The following RNPS1 variants were observed in gnomAD, a reference collection of about 807,000 sequenced individuals.
RNPS1 encodes the protein RNA binding protein with serine rich domain 1, also known as RNA-binding protein with serine-rich domain 1.
For synonymous variants in RNPS1, 147 were observed against 150.0 expected, an observed-to-expected ratio of 0.98 and a Z score of 0.15; for missense variants, 300 against 427.6, an observed-to-expected ratio of 0.70 and a Z score of 2.63.
chr16:2,267,676 A>G (rs2093630516), intron 1 of RNPS1: 1 of 1,151,700 alleles, frequency 8.7e-7, no homozygotes, highest in South Asian at 2.8e-5. Flanking sequence ...TCCCCCGTCC[A>G]GGCGCCGGGC....
intron 1 of RNPS1, chr16:2,267,838 C>T: frequency 1.3e-6 from 2 of 1,506,330 alleles, no homozygotes; most frequent in Non-Finnish European, 1.8e-6. Context: ...AGGCGCCCTT[C>T]CGTCCGCAGC....
At chr16:2,267,794 G>A in intron 1 of RNPS1, 8 of 1,422,292 alleles carry the variant, frequency 5.6e-6, no homozygotes, top group South Asian at 1.5e-5. Flanking sequence ...AGTCCCGCGG[G>A]CCTGGCTGGG....
At position 2,264,232 on chromosome 16, in the gene RNPS1, G is replaced by T. The variant is rs368400536; in HGVS notation, c.171C>A (p.Arg57=). Residue 57 remains arginine (R), a synonymous_variant, in exon 3 of 8, where the codon CGC becomes CGA. Transcript: ENST00000320225. ...GCCTCTTTCGGGTTTTGTCCCGGCC[G>T]CGATCCTTCTCACTCGACTCCTTGG... ...GATKESSEKD[R]GRDKTRKRRS... 1.2e-6 allele frequency: 2 copies of T among 1,614,100 alleles called. No individual in the cohort carries two copies. Among genetic ancestry groups the T allele is most frequent in the Non-Finnish European group, 1.7e-6 (2 of 1,180,032 alleles).
At chr16:2,262,011 G>A (rs155249) in intron 6 of RNPS1, among the ~76,000 whole-genome samples, 9,382 of 152,206 alleles carry the variant, frequency 0.062, 964 homozygotes, top group African/African-American at 0.21. Flanking sequence ...AGTTGGTCTG[G>A]CAATAATTTC....
At chr16:2,264,042 T>A in intron 3 of RNPS1, 134 bp downstream of exon 3, 1 of 1,109,210 alleles carries the variant, frequency 9.0e-7, no homozygotes, top group Non-Finnish European at 1.3e-6. Context: ...CAGTCTGCCA[T>A]AAATTAGGGT....
chr16:2,256,750 G>C (rs554961372), intron 6 of RNPS1: 8 of 152,418 alleles, frequency 5.2e-5, no homozygotes, highest in African/African-American at 1.4e-4. Context: ...CAGTATCCGC[G>C]TTTGCGCTTC....
intron 1 of RNPS1, chr16:2,265,478 A>AAGTT (rs1323224135): frequency 6.9e-6 from 1 of 144,542 alleles, no homozygotes; most frequent in African/African-American, 2.5e-5. Context: ...ATAGACTATT[A>AAGTT]ACCTCTGATT....
chr16:2,262,699 T>C, intron 5 of RNPS1, 41 bp downstream of exon 5: 3 of 1,548,356 alleles, frequency 1.9e-6, no homozygotes, highest in Non-Finnish European at 1.8e-6. Flanking sequence ...GGCCTGCTTG[T>C]CCACACCCCA....
chr16:2,255,065 G>T (rs1461799009), intron 7 of RNPS1, among the ~76,000 whole-genome samples: 1 of 152,150 alleles, frequency 6.6e-6, no homozygotes, highest in Non-Finnish European at 1.5e-5. Flanking sequence ...ACTAGAAGTT[G>T]GGACAGGTCC....
At chr16:2,261,129 CAA>C (rs531553229) in intron 6 of RNPS1, among the ~76,000 whole-genome samples, 6 of 125,182 alleles carry the variant, frequency 4.8e-5, no homozygotes, top group East Asian at 2.3e-4. Context: ...GACTCCGTCT[CAA>C]AAAAAAAAAA....
chr16:2,256,618 T>C (rs895982311), intron 6 of RNPS1: 4 of 152,164 alleles, frequency 2.6e-5, no homozygotes, highest in East Asian at 3.9e-4. Flanking sequence ...AGAAGGGCTA[T>C]GCTGGGCCCT....
chr16:2,266,430 G>C (rs2093625501), intron 1 of RNPS1: 1 of 981,650 alleles, frequency 1.0e-6, no homozygotes. Flanking sequence ...TCTGGAGCCA[G>C]AGGGCCTGGG....
intron 7 of RNPS1, 130 bp from the exon 8 acceptor site, chr16:2,254,193 T>A: frequency 1.6e-6 from 1 of 639,446 alleles, no homozygotes; most frequent in Non-Finnish European, 2.5e-6. Flanking sequence ...CAGAGTGCAG[T>A]GGCACGATCT....
intron 6 of RNPS1, among the ~76,000 whole-genome samples, chr16:2,262,047 C>T (rs527747269): frequency 6.6e-6 from 1 of 152,238 alleles, no homozygotes; most frequent in Non-Finnish European, 1.5e-5. Context: ...CAACTGGTTG[C>T]AGAAATAAAA....
chr16:2,256,222 C>T (rs993207319), intron 6 of RNPS1: 8 of 165,484 alleles, frequency 4.8e-5, no homozygotes, highest in Admixed American at 5.7e-5. Flanking sequence ...CTCCACGTGT[C>T]GAGGCAGCCT....
At chr16:2,264,805 G>T in intron 1 of RNPS1, 45 bp from the exon 2 acceptor site, 1 of 1,424,918 alleles carries the variant, frequency 7.0e-7, no homozygotes. Flanking sequence ...GAATTGGCAA[G>T]GCAACAAGTC....
intron 6 of RNPS1, among the ~76,000 whole-genome samples, chr16:2,259,162 A>G (rs929469119): frequency 2.0e-5 from 3 of 151,988 alleles, no homozygotes; most frequent in African/African-American, 7.2e-5. Context: ...TAACATTAAC[A>G]GCACACTGAT....
At chr16:2,266,418 A>G in intron 1 of RNPS1, 1 of 985,060 alleles carries the variant, frequency 1.0e-6, no homozygotes, top group Non-Finnish European at 1.2e-6. Flanking sequence ...TATAATTTAG[A>G]GTCTGGAGCC....
At chr16:2,256,277 G>A (rs2093577888) in intron 6 of RNPS1, 1 of 157,054 alleles carries the variant, frequency 6.4e-6, no homozygotes, top group Admixed American at 6.1e-5. Flanking sequence ...GAATGTGCTG[G>A]AGGCCAGACG....
Sources: gnomAD v4.1 joint callset for allele counts (sites outside exome capture counted in the v4.1 genomes callset) on GRCh38, gnomAD v4.1.1 for gene constraint, MANE v1.5 for transcripts, NCBI Gene and HGNC (gene_info 2026-07-23, HGNC 2026-07-21) for gene names.